APLP2: variants seen among roughly 807,000 people sequenced by gnomAD.
The protein encoded by APLP2 is CDEI box-binding protein.
APLP2 carries 53 observed loss-of-function variants against 89.9 expected under a neutral mutation model. The ratio of observed to expected loss-of-function variants is 0.59; its 90% confidence interval spans 0.47 to 0.74. The LOEUF is 0.74. Among genes scored for constraint, APLP2 ranks in the 30% least tolerant of loss-of-function variants. The pLI is 0.00. For synonymous variants in APLP2, 372 were observed against 348.6 expected (o/e 1.07, Z -0.75); for missense variants, 973 against 975.9 (o/e 1.00, Z 0.04).
intron 1 of APLP2, among the ~76,000 whole-genome samples, chr11:130,107,696 C>T (rs1947966277): frequency 6.6e-6 from 1 of 152,148 alleles, no homozygotes; most frequent in African/African-American, 2.4e-5. Context: ...ACTTTCTTCA[C>T]AGAATTGGAA....
At position 130,086,178 on chromosome 11, in the gene APLP2, A is replaced by G. The variant is rs191024158; in HGVS notation, c.105+16096A>G. On this transcript the variant is annotated intron_variant, in intron 1 of 16. Coordinates refer to ENST00000338167, the MANE Select transcript of APLP2 (RefSeq NM_001142276.2). ...CCACTGACAGTGGACAAAGGTTCCA[A>G]TTTCTCCACATCCTTGCCAACAGTT... 1.3e-3 allele frequency among the ~76,000 whole-genome samples: 199 copies of G among 152,362 alleles called. 1 individual carries two copies. Among genetic ancestry groups the G allele is most frequent in the African/African-American group, 4.0e-3 (166 of 41,586 alleles).
At chr11:130,128,985 G>A in intron 9 of APLP2, 63 bp from the exon 10 acceptor site, 1 of 1,558,480 alleles carries the variant, frequency 6.4e-7, no homozygotes, top group Non-Finnish European at 8.7e-7. Context: ...GGGTCTCAGG[G>A]TGCTTGCTTA....
intron 3 of APLP2, among the ~76,000 whole-genome samples, chr11:130,119,572 C>T (rs182845235): frequency 1.3e-5 from 2 of 152,338 alleles, no homozygotes; most frequent in African/African-American, 2.4e-5. Flanking sequence ...AAACAAATCA[C>T]ATACCATCTT....
intron 11 of APLP2, among the ~76,000 whole-genome samples, chr11:130,130,505 G>C (rs1950819214): frequency 1.3e-5 from 2 of 152,076 alleles, no homozygotes; most frequent in African/African-American, 4.8e-5. Context: ...TTGGTCTCTT[G>C]TTTTGTGCAG....
intron 1 of APLP2, among the ~76,000 whole-genome samples, chr11:130,070,999 G>C (rs1282240386): frequency 3.3e-5 from 5 of 152,248 alleles, no homozygotes; most frequent in Admixed American, 3.3e-4. Flanking sequence ...GAGGAGCCCT[G>C]CTGTGGCCGA....
chr11:130,087,788 G>C (rs1353326897), intron 1 of APLP2, among the ~76,000 whole-genome samples: 2 of 151,992 alleles, frequency 1.3e-5, no homozygotes, highest in African/African-American at 4.8e-5. Context: ...CTTCCTATTA[G>C]AAGAATGATT....
intron 9 of APLP2, among the ~76,000 whole-genome samples, chr11:130,128,808 A>G (rs1330551434): frequency 2.0e-5 from 3 of 152,212 alleles, no homozygotes; most frequent in Non-Finnish European, 2.9e-5. Flanking sequence ...CACAGATACT[A>G]AGGAGGCCCT....
chr11:130,111,697 C>T (rs781375856), intron 3 of APLP2, among the ~76,000 whole-genome samples: 4 of 152,078 alleles, frequency 2.6e-5, no homozygotes, highest in South Asian at 2.1e-4. Flanking sequence ...TGCTTACCAC[C>T]GTTTACTTTA....
At chr11:130,081,324 T>A (rs564345058) in intron 1 of APLP2, among the ~76,000 whole-genome samples, 8 of 152,324 alleles carry the variant, frequency 5.3e-5, no homozygotes, top group Admixed American at 4.6e-4. Flanking sequence ...GAATTTGGAT[T>A]TGAGTAACTA....
chr11:130,096,418 G>A (rs1382410930), intron 1 of APLP2, among the ~76,000 whole-genome samples: 1 of 152,200 alleles, frequency 6.6e-6, no homozygotes, highest in African/African-American at 2.4e-5. Context: ...CTGACAAGTA[G>A]TACAAAAGTG....
chr11:130,143,659 T>C lies in APLP2; in HGVS notation c.*211T>C. ...AATGGTAATATAACAATATATGATA[T>C]ATAAACCTTAAATGAAAAAAATGAT... On this transcript the variant is annotated 3_prime_UTR_variant, in exon 17 of 17. Transcript: ENST00000338167. 2.0e-6 allele frequency: 1 copy of C among 490,106 alleles called. No homozygotes were observed. Among genetic ancestry groups the C allele is most frequent in the Non-Finnish European group, 3.7e-6 (1 of 273,590 alleles). 30.4% of individuals were successfully genotyped at this position (490,106 alleles called of 1,614,324 possible).
intron 1 of APLP2, among the ~76,000 whole-genome samples, chr11:130,104,400 G>A (rs1383217724): frequency 6.6e-6 from 1 of 151,606 alleles, no homozygotes; most frequent in Non-Finnish European, 1.5e-5. Context: ...TGTATTTTTA[G>A]TAGAGACAGG....
chr11:130,129,775 A>C (rs886615850), intron 10 of APLP2, among the ~76,000 whole-genome samples: 1 of 152,218 alleles, frequency 6.6e-6, no homozygotes, highest in Admixed American at 6.5e-5. Context: ...AAAAGGACAG[A>C]TCAGAAGAGA....
At chr11:130,072,267 G>A (rs1045621580) in intron 1 of APLP2, among the ~76,000 whole-genome samples, 13 of 152,266 alleles carry the variant, frequency 8.5e-5, no homozygotes, top group African/African-American at 2.6e-4. Flanking sequence ...AGGCTCCTGA[G>A]AACCGGAACT....
chr11:130,142,120 G>A (rs1952488946), intron 16 of APLP2, 46 bp downstream of exon 16: 3 of 1,548,882 alleles, frequency 1.9e-6, no homozygotes, highest in Non-Finnish European at 2.6e-6. Flanking sequence ...TGTGGGCTGG[G>A]TTGGGGGTGG....
intron 1 of APLP2, among the ~76,000 whole-genome samples, chr11:130,097,484 G>A (rs1237412222): frequency 6.6e-6 from 1 of 152,154 alleles, no homozygotes; most frequent in East Asian, 1.9e-4. Flanking sequence ...GTTTGAGGCT[G>A]GGAGTACAAG....
At chr11:130,138,174 T>A (rs554349225) in intron 13 of APLP2, among the ~76,000 whole-genome samples, 1 of 152,362 alleles carries the variant, frequency 6.6e-6, no homozygotes, top group African/African-American at 2.4e-5. Context: ...TAATGTGTTG[T>A]ATGAGCCCAC....
intron 1 of APLP2, among the ~76,000 whole-genome samples, chr11:130,091,532 C>T (rs1208801645): frequency 1.0e-4 from 14 of 136,498 alleles, no homozygotes; most frequent in African/African-American, 2.6e-4. Flanking sequence ...GGCGGCTGGC[C>T]GGGCGGGGGG....
intron 9 of APLP2, 118 bp from the exon 10 acceptor site, chr11:130,128,930 C>T (rs932421400): frequency 4.3e-6 from 5 of 1,157,264 alleles, no homozygotes; most frequent in Admixed American, 2.8e-5. Flanking sequence ...CTCCACTCTC[C>T]GAACCTGTTA....
Sources: allele counts gnomAD v4.1 joint callset (sites outside exome capture counted in the v4.1 genomes callset), GRCh38; gene constraint gnomAD v4.1.1; transcripts MANE v1.5; gene names NCBI Gene and HGNC (gene_info 2026-07-23, HGNC 2026-07-21).